The following DCC variants were observed in gnomAD, a reference collection of about 807,000 sequenced individuals.
DCC encodes the protein DCC netrin 1 receptor, also known as netrin receptor DCC.
Under a neutral mutation model 172.5 loss-of-function variants are expected in DCC, and 58 were observed. The ratio of observed to expected loss-of-function variants is 0.34; its 90% CI spans 0.27 to 0.42. The LOEUF (loss-of-function observed/expected upper bound fraction) is 0.42. Among genes scored for constraint, DCC ranks in the 10% least tolerant of loss-of-function variants. The pLI, the probability that DCC is intolerant of heterozygous loss-of-function variation, is 1.00. For synonymous variants in DCC, 709 were observed against 644.5 expected, an observed-to-expected ratio of 1.10 and a Z score of -1.52; for missense variants, 1,740 against 1,791.0, an observed-to-expected ratio of 0.97 and a Z score of 0.51.
At chr18:52,413,505 AT>A (rs1267140694) in intron 1 of DCC, among the ~76,000 whole-genome samples, 6 of 152,000 alleles carry the variant, frequency 3.9e-5, no homozygotes, top group Admixed American at 3.9e-4. Context: ...AGAGATAAAT[AT>A]TTGAAATTAT....
chr18:53,101,082 A>G (rs907328700), intron 7 of DCC, among the ~76,000 whole-genome samples: 7 of 152,114 alleles, frequency 4.6e-5, no homozygotes, highest in African/African-American at 1.7e-4. Context: ...ATAACAGTGT[A>G]ATTTTACTTT....
intron 13 of DCC, among the ~76,000 whole-genome samples, chr18:53,316,880 G>A (rs1284087166): frequency 6.6e-6 from 1 of 152,122 alleles, no homozygotes. Context: ...TATACAATTA[G>A]GTCATCTGCA....
At chr18:53,129,117 C>T (rs1220221217) in intron 7 of DCC, among the ~76,000 whole-genome samples, 1 of 151,738 alleles carries the variant, frequency 6.6e-6, no homozygotes, top group African/African-American at 2.4e-5. Flanking sequence ...AAACTCCTGA[C>T]CTCAAGTGAT....
intron 1 of DCC, among the ~76,000 whole-genome samples, chr18:52,470,097 C>T (rs1447275461): frequency 1.3e-5 from 2 of 152,138 alleles, no homozygotes; most frequent in African/African-American, 4.8e-5. Context: ...TGTGAAGAAA[C>T]AGATAAAAAG....
intron 7 of DCC, among the ~76,000 whole-genome samples, chr18:53,154,835 G>A (rs2144389696): frequency 6.6e-6 from 1 of 152,272 alleles, no homozygotes; most frequent in South Asian, 2.1e-4. Flanking sequence ...TCACTCCAGT[G>A]TGTTAGTCTT....
chr18:53,066,398 T>TATAC (rs1568281767), intron 7 of DCC, among the ~76,000 whole-genome samples: 1 of 123,162 alleles, frequency 8.1e-6, no homozygotes, highest in East Asian at 2.2e-4. Context: ...TATATATATA[T>TATAC]GTGCATGTGT....
intron 8 of DCC, among the ~76,000 whole-genome samples, chr18:53,163,757 C>T (rs1275834301): frequency 6.6e-6 from 1 of 152,192 alleles, no homozygotes; most frequent in African/African-American, 2.4e-5. Flanking sequence ...GCTATCCCCT[C>T]TTAGTACCTA....
At chr18:52,842,728 A>T (rs761384948) in intron 2 of DCC, among the ~76,000 whole-genome samples, 4 of 152,196 alleles carry the variant, frequency 2.6e-5, no homozygotes, top group Non-Finnish European at 5.9e-5. Context: ...GGTGATTTTG[A>T]TGCATGCTCA....
intron 12 of DCC, among the ~76,000 whole-genome samples, chr18:53,224,667 G>A (rs549915893): frequency 1.3e-5 from 2 of 152,098 alleles, no homozygotes; most frequent in Non-Finnish European, 2.9e-5. Context: ...GCTGGATCTA[G>A]AGCCAACAAA....
intron 5 of DCC, among the ~76,000 whole-genome samples, chr18:53,059,842 G>T (rs998340395): frequency 5.3e-5 from 8 of 152,120 alleles, no homozygotes; most frequent in Admixed American, 4.6e-4. Flanking sequence ...TTTTTTATTG[G>T]CATCAGTAGC....
At chr18:53,093,440 G>T (rs1421166929) in intron 7 of DCC, among the ~76,000 whole-genome samples, 1 of 152,114 alleles carries the variant, frequency 6.6e-6, no homozygotes, top group East Asian at 1.9e-4. Flanking sequence ...AAAGATTGTT[G>T]ATTTGGGAAA....
intron 1 of DCC, among the ~76,000 whole-genome samples, chr18:52,718,280 G>A (rs1000077253): frequency 7.9e-5 from 12 of 152,192 alleles, no homozygotes; most frequent in African/African-American, 2.7e-4. Flanking sequence ...TCACAAGTAT[G>A]AAAATTCATT....
chr18:52,350,985 C>T (rs556377878), intron 1 of DCC, among the ~76,000 whole-genome samples: 1 of 152,008 alleles, frequency 6.6e-6, no homozygotes, highest in Non-Finnish European at 1.5e-5. Flanking sequence ...TAATCAAATA[C>T]ATATGTTAAC....
At chr18:52,860,494 A>G (rs1445795940) in intron 2 of DCC, among the ~76,000 whole-genome samples, 1 of 152,222 alleles carries the variant, frequency 6.6e-6, no homozygotes, top group Non-Finnish European at 1.5e-5. Flanking sequence ...AAAACCTCCA[A>G]AACAATGGGC....
At chr18:53,254,341 G>A (rs758507442) in intron 12 of DCC, among the ~76,000 whole-genome samples, 2 of 151,984 alleles carry the variant, frequency 1.3e-5, no homozygotes, top group Non-Finnish European at 2.9e-5. Context: ...ATGAATACCT[G>A]GGTGGGGTCT....
chr18:53,334,782 C>T (rs79489360), intron 14 of DCC, among the ~76,000 whole-genome samples: 1 of 152,094 alleles, frequency 6.6e-6, no homozygotes, highest in Non-Finnish European at 1.5e-5. Context: ...TTTTTAGAGG[C>T]CAAATACTAT....
chr18:53,252,477 C>A (rs2144660802), intron 12 of DCC, among the ~76,000 whole-genome samples: 1 of 151,934 alleles, frequency 6.6e-6, no homozygotes, highest in African/African-American at 2.4e-5. Flanking sequence ...ATACTTATTA[C>A]CAAAACAACA....
chr18:52,595,416 T>C (rs2144805992), intron 1 of DCC, among the ~76,000 whole-genome samples: 1 of 152,320 alleles, frequency 6.6e-6, no homozygotes, highest in East Asian at 1.9e-4. Context: ...TCCTGGGATC[T>C]ATATTAACAG....
At chr18:53,139,709 T>C (rs1340335637) in intron 7 of DCC, among the ~76,000 whole-genome samples, 1 of 152,122 alleles carries the variant, frequency 6.6e-6, no homozygotes, top group Admixed American at 6.6e-5. Flanking sequence ...AGGCAGTTTG[T>C]ATGAGGACAC....
Sources: allele counts gnomAD v4.1 joint callset (sites outside exome capture counted in the v4.1 genomes callset), GRCh38; gene constraint gnomAD v4.1.1; transcripts MANE v1.5; gene names NCBI Gene and HGNC (gene_info 2026-07-23, HGNC 2026-07-21).